The following PAX3 variants were observed in gnomAD, a reference collection of about 807,000 sequenced individuals.
The protein encoded by PAX3 is paired box 3.
PAX3 carries 14 observed loss-of-function variants against 51.6 expected under a neutral mutation model. The observed-to-expected ratio is 0.27, with a 90% confidence interval of 0.18 to 0.42. The LOEUF is 0.42. Ranked by LOEUF, PAX3 falls within the 10% of genes least tolerant of loss-of-function variation. The pLI, the probability that PAX3 is intolerant of heterozygous loss-of-function variation, is 1.00. For missense variants in PAX3, 540 were observed against 642.8 expected, an observed-to-expected ratio of 0.84 and a Z score of 1.73; for synonymous variants, 280 against 253.4, an observed-to-expected ratio of 1.11 and a Z score of -1.00.
At chr2:222,211,349 T>C (rs1159831972) in intron 7 of PAX3, among the ~76,000 whole-genome samples, 1 of 152,196 alleles carries the variant, frequency 6.6e-6, no homozygotes, top group Non-Finnish European at 1.5e-5. Context: ...AATGCACAGC[T>C]AGTAAGTGGC....
chr2:222,225,582 C>T (rs1351357965), intron 5 of PAX3, among the ~76,000 whole-genome samples: 1 of 152,078 alleles, frequency 6.6e-6, no homozygotes, highest in East Asian at 1.9e-4. Flanking sequence ...ACAGACCAGG[C>T]AAAAGTTGAA....
intron 4 of PAX3, chr2:222,264,472 G>A (rs932382507): frequency 2.0e-5 from 3 of 152,308 alleles, no homozygotes; most frequent in Middle Eastern, 3.4e-3. Context: ...GATAGATCTG[G>A]TGACTGCAAT....
At chr2:222,218,322 T>C (rs1416230523) in intron 7 of PAX3, among the ~76,000 whole-genome samples, 4 of 152,228 alleles carry the variant, frequency 2.6e-5, no homozygotes, top group Non-Finnish European at 4.4e-5. Context: ...ACTTATATAA[T>C]ACAAAAGAAT....
chr2:222,272,220 C>T (rs746625784), intron 4 of PAX3, among the ~76,000 whole-genome samples: 8 of 152,152 alleles, frequency 5.3e-5, no homozygotes, highest in Admixed American at 1.3e-4. Flanking sequence ...TGCAGCAAGC[C>T]GTTCTGAAAT....
intron 5 of PAX3, among the ~76,000 whole-genome samples, chr2:222,223,310 G>T (rs931010810): frequency 6.6e-6 from 1 of 152,134 alleles, no homozygotes; most frequent in African/African-American, 2.4e-5. Flanking sequence ...ACAGGAAAAC[G>T]AGGTAAGTTA....
At chr2:222,203,012 CATAT>C (rs71053057) in intron 7 of PAX3, among the ~76,000 whole-genome samples, 2,826 of 40,796 alleles carry the variant, frequency 0.069, 84 homozygotes, top group Middle Eastern at 0.19. Context: ...ACAACCATTT[CATAT>C]ATATATATAT....
chr2:222,292,199 G>A (rs1455967954), intron 4 of PAX3, among the ~76,000 whole-genome samples: 1 of 152,174 alleles, frequency 6.6e-6, no homozygotes, highest in Non-Finnish European at 1.5e-5. Flanking sequence ...GCAGCTATTG[G>A]GGCTCATTGA....
At chr2:222,255,163 A>C (rs1308249949) in intron 4 of PAX3, among the ~76,000 whole-genome samples, 1 of 152,234 alleles carries the variant, frequency 6.6e-6, no homozygotes, top group African/African-American at 2.4e-5. Context: ...TGTTCAGGCC[A>C]CATTCATTTA....
intron 4 of PAX3, among the ~76,000 whole-genome samples, chr2:222,268,766 G>T (rs2106156069): frequency 6.6e-6 from 1 of 152,254 alleles, no homozygotes; most frequent in Non-Finnish European, 1.5e-5. Context: ...TTCCAGGAGA[G>T]ATCATGCATA....
At chr2:222,218,859 T>A (rs1472319451) in intron 7 of PAX3, among the ~76,000 whole-genome samples, 2 of 152,208 alleles carry the variant, frequency 1.3e-5, no homozygotes, top group Non-Finnish European at 1.5e-5. Context: ...TTAATTACAT[T>A]TACTGTTACA....
At chr2:222,297,278 A>G (rs41272715) in intron 1 of PAX3, 65 bp from the exon 2 acceptor site, 40,577 of 1,247,274 alleles carry the variant, frequency 0.033, 833 homozygotes, top group Middle Eastern at 0.081. Flanking sequence ...AGCAAAGAAC[A>G]GCAGCACGTA....
rs560491318 is a variant in PAX3, at chr2:222,284,522, C to T, written c.586+9645G>A. Reference sequence around the variant, plus strand: ...ATTTTATTTTTTATACCCATTAAATCGAAGTTTTTTACATTTAATAGTTGC... The same window carrying T: ...ATTTTATTTTTTATACCCATTAAATTGAAGTTTTTTACATTTAATAGTTGC... On this transcript the variant is annotated intron_variant, in intron 4 of 8. Coordinates refer to ENST00000392070, the MANE Select transcript of PAX3 (RefSeq NM_181458.4). Among the ~76,000 whole-genome samples, 7 of 152,234 alleles carry T rather than the reference C, an allele frequency of 4.6e-5. No homozygotes were observed. The South Asian group carries it at 8.3e-4, about 18-fold the overall frequency.
At chr2:222,205,959 C>T (rs1394701857) in intron 7 of PAX3, among the ~76,000 whole-genome samples, 1 of 152,176 alleles carries the variant, frequency 6.6e-6, no homozygotes, top group Non-Finnish European at 1.5e-5. Flanking sequence ...CTTCCAGTCA[C>T]ATTTTCTTTT....
chr2:222,251,525 T>C (rs970403165), intron 4 of PAX3, among the ~76,000 whole-genome samples: 1 of 152,176 alleles, frequency 6.6e-6, no homozygotes, highest in African/African-American at 2.4e-5. Flanking sequence ...GACATTTGGC[T>C]TGGTTCCAAG....
chr2:222,267,126 CA>C (rs1694080751), intron 4 of PAX3, among the ~76,000 whole-genome samples: 1 of 152,172 alleles, frequency 6.6e-6, no homozygotes. Context: ...AAATGGGAGA[CA>C]AAAAGTAACT....
At chr2:222,271,073 C>T (rs1355613587) in intron 4 of PAX3, among the ~76,000 whole-genome samples, 1 of 152,176 alleles carries the variant, frequency 6.6e-6, no homozygotes, top group African/African-American at 2.4e-5. Flanking sequence ...TGTTCGCGGT[C>T]ACTAACACAA....
At chr2:222,216,662 A>G (rs1319026445) in intron 7 of PAX3, among the ~76,000 whole-genome samples, 1 of 152,154 alleles carries the variant, frequency 6.6e-6, no homozygotes, top group African/African-American at 2.4e-5. Context: ...GAAAAGATAC[A>G]TTAGAGACAC....
chr2:222,233,508 T>C, intron 4 of PAX3, among the ~76,000 whole-genome samples: 1 of 152,282 alleles, frequency 6.6e-6, no homozygotes, highest in East Asian at 1.9e-4. Flanking sequence ...GCATTTTCCC[T>C]GTTTCTGCTA....
At chr2:222,291,974 GTGTGT>G (rs1695058827) in intron 4 of PAX3, among the ~76,000 whole-genome samples, 1 of 51,482 alleles carries the variant, frequency 1.9e-5, no homozygotes, top group Non-Finnish European at 3.7e-5. Flanking sequence ...TCCAAGGTGT[GTGTGT>G]GTGTGTGTGT....
Sources: gnomAD v4.1 joint callset for allele counts (sites outside exome capture counted in the v4.1 genomes callset) on GRCh38, gnomAD v4.1.1 for gene constraint, MANE v1.5 for transcripts, NCBI Gene and HGNC (gene_info 2026-07-23, HGNC 2026-07-21) for gene names.